Variants in DOCK3 observed in about 807,000 individuals in gnomAD.
DOCK3 encodes dedicator of cytokinesis 3, also known as dedicator of cytokinesis protein 3.
DOCK3 carries 60 observed loss-of-function variants against 265.6 expected under a neutral mutation model. The ratio of observed to expected loss-of-function variants is 0.23; its 90% confidence interval spans 0.18 to 0.28. The LOEUF is 0.28. DOCK3 is among the 10% of genes least tolerant of loss of function. The probability of loss-of-function intolerance (pLI) is 1.00; values close to 1 mark genes in which losing one functional copy is unlikely to be tolerated. For synonymous variants in DOCK3, 881 were observed against 938.0 expected, an observed-to-expected ratio of 0.94 and a Z score of 1.11; for missense variants, 1,981 against 2,594.3, an observed-to-expected ratio of 0.76 and a Z score of 5.14.
At chr3:51,346,381 C>T (rs1256911359) in intron 38 of DOCK3, among the ~76,000 whole-genome samples, 16 of 150,738 alleles carry the variant, frequency 1.1e-4, no homozygotes. Flanking sequence ...TGAGTGAGAA[C>T]ATGCGGTGTT....
intron 4 of DOCK3, among the ~76,000 whole-genome samples, chr3:50,904,183 T>C (rs1369385705): frequency 2.0e-5 from 3 of 152,226 alleles, no homozygotes; most frequent in African/African-American, 7.2e-5. Flanking sequence ...TTGCGTTGGT[T>C]CCAAGTCTTT....
chr3:50,676,066 A>G (rs1237015071), intron 1 of DOCK3, among the ~76,000 whole-genome samples: 5 of 152,242 alleles, frequency 3.3e-5, no homozygotes, highest in African/African-American at 1.2e-4. Flanking sequence ...TGGCAATTAC[A>G]TGATAGAGTT....
chr3:50,891,495 A>G (rs1461775559), intron 4 of DOCK3, among the ~76,000 whole-genome samples: 1 of 152,118 alleles, frequency 6.6e-6, no homozygotes, highest in Non-Finnish European at 1.5e-5. Context: ...GCAACAAATA[A>G]TCTGCCATCT....
chr3:50,841,738 C>CATTTTTTTTTCTTTTTTT, intron 3 of DOCK3, 23 bp downstream of exon 3: 1 of 536,468 alleles, frequency 1.9e-6, no homozygotes. Flanking sequence ...TTATTGTTAC[C>CATTTTTTTTTCTTTTTTT]TTTTCTAATG....
chr3:50,807,585 A>G (rs2043506753), intron 2 of DOCK3, among the ~76,000 whole-genome samples: 1 of 152,204 alleles, frequency 6.6e-6, no homozygotes, highest in African/African-American at 2.4e-5. Context: ...TAGTATTATA[A>G]GTACTAGCTA....
chr3:50,883,200 G>A (rs746143238), intron 3 of DOCK3, among the ~76,000 whole-genome samples: 3 of 151,940 alleles, frequency 2.0e-5, no homozygotes, highest in Non-Finnish European at 2.9e-5. Flanking sequence ...ACACCAACAT[G>A]GCACATGTAT....
At chr3:50,813,645 T>A (rs763116040) in intron 2 of DOCK3, among the ~76,000 whole-genome samples, 13 of 152,212 alleles carry the variant, frequency 8.5e-5, no homozygotes, top group Non-Finnish European at 1.3e-4. Context: ...GATGGGGTTA[T>A]GTCTTGATAA....
At chr3:51,106,683 G>A (rs116113544) in intron 9 of DOCK3, among the ~76,000 whole-genome samples, 167 of 152,282 alleles carry the variant, frequency 1.1e-3, no homozygotes, top group Middle Eastern at 6.8e-3. Context: ...CGGCATCAAC[G>A]CATACAGTGG....
chr3:50,954,048 T>C (rs59749820), intron 5 of DOCK3, among the ~76,000 whole-genome samples: 3,837 of 152,120 alleles, frequency 0.025, 185 homozygotes, highest in African/African-American at 0.088. Flanking sequence ...CCACCATCCA[T>C]CTCTAGAATT....
At chr3:51,288,869 G>A (rs998090541) in intron 27 of DOCK3, among the ~76,000 whole-genome samples, 5 of 151,514 alleles carry the variant, frequency 3.3e-5, no homozygotes, top group Non-Finnish European at 7.4e-5. Context: ...TAGCCTAGGA[G>A]AGGGGTGTTT....
chr3:50,763,879 G>C (rs763070637), intron 1 of DOCK3, among the ~76,000 whole-genome samples: 18 of 151,990 alleles, frequency 1.2e-4, no homozygotes, highest in Non-Finnish European at 1.9e-4. Context: ...ATTGACTATG[G>C]ATATTGGTCT....
chr3:51,257,598 G>C (rs953210450), intron 22 of DOCK3, among the ~76,000 whole-genome samples: 7 of 152,182 alleles, frequency 4.6e-5, no homozygotes, highest in African/African-American at 1.7e-4. Flanking sequence ...CTGCTGAGCT[G>C]TATCAGTTCC....
At chr3:51,286,279 A>G (rs1389510464) in intron 27 of DOCK3, among the ~76,000 whole-genome samples, 1 of 152,232 alleles carries the variant, frequency 6.6e-6, no homozygotes, top group Non-Finnish European at 1.5e-5. Context: ...AGATCTCTAC[A>G]AGGAGAATTA....
chr3:50,897,284 T>G (rs1043361008), intron 4 of DOCK3, among the ~76,000 whole-genome samples: 1 of 152,174 alleles, frequency 6.6e-6, no homozygotes, highest in Non-Finnish European at 1.5e-5. Context: ...TGGCTATTTG[T>G]CTATTATTGG....
chr3:51,057,049 G>T lies in DOCK3; in HGVS notation c.316-7399G>T, dbSNP rs141675442. Among the ~76,000 whole-genome samples the T allele has an allele frequency of 9.9e-5, 15 of 152,246 alleles. No homozygotes were observed. In the East Asian group the frequency reaches 2.9e-3, roughly 29 times the overall value. Reference sequence around the variant, plus strand: ...AAGCATATGTAGTTTTAAAATAAAGGTAATATACTTTCTGGCAAATGCCCT... The same window carrying T: ...AAGCATATGTAGTTTTAAAATAAAGTTAATATACTTTCTGGCAAATGCCCT... On this transcript the variant is annotated intron_variant, in intron 5 of 52. Coordinates refer to ENST00000266037, the MANE Select transcript of DOCK3 (RefSeq NM_004947.5).
chr3:50,722,519 T>C (rs138126381), intron 1 of DOCK3, among the ~76,000 whole-genome samples: 6 of 152,316 alleles, frequency 3.9e-5, no homozygotes, highest in Admixed American at 6.5e-5. Context: ...GAAGTATTAT[T>C]TCCTTTAGCC....
chr3:50,811,839 G>T (rs1032799718), intron 2 of DOCK3, among the ~76,000 whole-genome samples: 1 of 152,174 alleles, frequency 6.6e-6, no homozygotes, highest in Non-Finnish European at 1.5e-5. Flanking sequence ...AATTGGAATA[G>T]AGAATATTTA....
intron 5 of DOCK3, among the ~76,000 whole-genome samples, chr3:51,032,047 A>T (rs1049004963): frequency 2.6e-5 from 4 of 152,170 alleles, no homozygotes; most frequent in African/African-American, 9.7e-5. Flanking sequence ...AAATTAAATG[A>T]AACTAAGACA....
At chr3:51,320,044 T>C (rs938648478) in intron 32 of DOCK3, among the ~76,000 whole-genome samples, 15 of 152,198 alleles carry the variant, frequency 9.9e-5, no homozygotes, top group African/African-American at 3.6e-4. Flanking sequence ...GATGGCCAAA[T>C]AGGAACAGCT....
Sources: gnomAD v4.1 joint callset for allele counts (sites outside exome capture counted in the v4.1 genomes callset) on GRCh38, gnomAD v4.1.1 for gene constraint, MANE v1.5 for transcripts, NCBI Gene and HGNC (gene_info 2026-07-23, HGNC 2026-07-21) for gene names.